Variants in MDFIC observed in about 807,000 individuals in gnomAD.
MDFIC encodes the protein MyoD family inhibitor domain containing.
MDFIC carries 17 observed loss-of-function variants against 23.2 expected under a neutral mutation model. The observed-to-expected ratio is 0.73, with a 90% CI of 0.50 to 1.10. The LOEUF (loss-of-function observed/expected upper bound fraction) is 1.10, where lower values mean the gene tolerates loss of function less well. MDFIC is among the 50% of genes least tolerant of loss of function. The pLI is 0.00. For synonymous variants in MDFIC, 120 were observed against 115.2 expected (o/e 1.04, Z -0.27); for missense variants, 356 against 316.6 (o/e 1.12, Z -0.95).
intron 2 of MDFIC, chr7:114,923,545 T>C: frequency 6.5e-7 from 1 of 1,536,462 alleles, no homozygotes. Flanking sequence ...TGTTGGCTCC[T>C]CTACCACCCG....
intron 4 of MDFIC, among the ~76,000 whole-genome samples, chr7:115,002,411 C>T (rs753657700): frequency 6.6e-6 from 1 of 152,202 alleles, no homozygotes; most frequent in East Asian, 1.9e-4. Flanking sequence ...AATCCCTCCA[C>T]AGAACTTCAA....
chr7:114,990,776 C>A (rs1172633895), intron 4 of MDFIC, among the ~76,000 whole-genome samples: 4 of 152,158 alleles, frequency 2.6e-5, no homozygotes, highest in Non-Finnish European at 5.9e-5. Flanking sequence ...GGTTCCAAGT[C>A]TTTGCTATTG....
Position 114,922,552 on chromosome 7 carries a change from T to C in MDFIC, c.-192T>C. On this transcript the variant is annotated 5_prime_UTR_variant, in exon 1 of 5. Transcript: ENST00000393486. ...GCCACCGGGGCGAAAATGCGGCCGC[T>C]GCCGGAGGCTCGCTAACTTTCCGGG... 5.5e-6 allele frequency: 7 copies of C among 1,267,024 alleles called. No individual in the cohort carries two copies. Among genetic ancestry groups the C allele is most frequent in the Non-Finnish European group, 6.0e-6 (6 of 1,000,070 alleles). The allele number at this position is 1,267,024 out of a possible 1,614,324, so 78.5% of individuals were successfully genotyped here.
intron 3 of MDFIC, among the ~76,000 whole-genome samples, chr7:114,961,099 C>G (rs1325679373): frequency 6.6e-6 from 1 of 152,106 alleles, no homozygotes; most frequent in Non-Finnish European, 1.5e-5. Context: ...CCTGCCTGCT[C>G]TGGGCACTAG....
At chr7:114,976,569 T>A (rs1044718506) in intron 3 of MDFIC, among the ~76,000 whole-genome samples, 3 of 152,142 alleles carry the variant, frequency 2.0e-5, no homozygotes, top group Admixed American at 6.6e-5. Context: ...ATATAACTGC[T>A]AAACAGATGT....
At position 114,925,682 on chromosome 7, in the gene MDFIC, A is replaced by G. The variant is rs188180142; in HGVS notation, c.94+2555A>G. ...TGGAGAGCTCATGGGCCAGGAAACAACATTCCTCAGTTTTAGCTAATTGTT... is the reference window on the plus strand; with the variant it reads ...TGGAGAGCTCATGGGCCAGGAAACAGCATTCCTCAGTTTTAGCTAATTGTT... On this transcript the variant is annotated intron_variant, in intron 2 of 4. Transcript: ENST00000393486. Among the ~76,000 whole-genome samples the G allele has an allele frequency of 2.1e-3, 315 of 152,338 alleles. 1 individual carries two copies. The highest frequency in any genetic ancestry group is 3.6e-3 in the Non-Finnish European group (245 of 68,034).
At chr7:115,014,571 A>G (rs578032983) in intron 4 of MDFIC, 1 of 1,206,706 alleles carries the variant, frequency 8.3e-7, no homozygotes, top group African/African-American at 1.6e-5. Context: ...TCGCTATTGT[A>G]GGTTGTGGAA....
intron 2 of MDFIC, among the ~76,000 whole-genome samples, chr7:114,939,126 G>T (rs1792490979): frequency 6.6e-6 from 1 of 152,190 alleles, no homozygotes; most frequent in South Asian, 2.1e-4. Flanking sequence ...CATATGGGTA[G>T]CTCATTGAAA....
chr7:114,941,910 C>T (rs1307601358), intron 2 of MDFIC, among the ~76,000 whole-genome samples: 2 of 152,204 alleles, frequency 1.3e-5, no homozygotes, highest in African/African-American at 4.8e-5. Flanking sequence ...TCTTCTCTTT[C>T]ACCCCTTTCC....
intron 4 of MDFIC, among the ~76,000 whole-genome samples, chr7:115,009,577 C>T (rs1322548855): frequency 6.6e-6 from 1 of 152,190 alleles, no homozygotes; most frequent in Non-Finnish European, 1.5e-5. Context: ...TCTTCACTCT[C>T]ATTTTAAGCA....
At chr7:114,923,323 G>C (rs1792128929) in intron 2 of MDFIC, 196 bp downstream of exon 2, 1 of 1,156,428 alleles carries the variant, frequency 8.6e-7, no homozygotes. Context: ...GGGTAAGAGG[G>C]CGGGAACCGT....
chr7:114,997,576 G>GA (rs60307474), intron 4 of MDFIC, among the ~76,000 whole-genome samples: 29 of 141,760 alleles, frequency 2.0e-4, no homozygotes, highest in Admixed American at 8.5e-4. Flanking sequence ...ATCTCTACAG[G>GA]AAAAAAAAAA....
chr7:115,005,267 A>G (rs977716533), intron 4 of MDFIC, among the ~76,000 whole-genome samples: 35 of 152,170 alleles, frequency 2.3e-4, no homozygotes, highest in African/African-American at 7.0e-4. Flanking sequence ...CAGCATCACA[A>G]TCCTTATACA....
intron 2 of MDFIC, among the ~76,000 whole-genome samples, chr7:114,934,589 A>G (rs958876205): frequency 6.6e-6 from 1 of 152,228 alleles, no homozygotes; most frequent in Non-Finnish European, 1.5e-5. Context: ...TAAATATACC[A>G]TAAGCTTCTA....
In MDFIC at chr7:114,950,874, A is replaced by G. The variant is rs191667157; in HGVS notation, c.217+8477A>G. On this transcript the variant is annotated intron_variant, in intron 3 of 4. Transcript: ENST00000393486. ...CTGGAATTTCAGATGCCTCATTGAA[A>G]CTTAAAGGGTCAGGAGGGGCCAAGT... is the stretch of plus-strand genomic sequence containing the variant. 2.0e-3 allele frequency among the ~76,000 whole-genome samples: 308 copies of G among 152,288 alleles called. 1 individual carries two copies. The highest frequency in any genetic ancestry group is 6.3e-3 in the African/African-American group (262 of 41,570).
intron 2 of MDFIC, chr7:114,933,846 C>CA (rs974527148): frequency 9.9e-5 from 15 of 151,966 alleles, no homozygotes; most frequent in Non-Finnish European, 1.6e-4. Context: ...TTTGATTTTG[C>CA]AAAAAGCAAA....
At chr7:114,960,677 T>C (rs1232873938) in intron 3 of MDFIC, among the ~76,000 whole-genome samples, 1 of 152,212 alleles carries the variant, frequency 6.6e-6, no homozygotes, top group Non-Finnish European at 1.5e-5. Flanking sequence ...AGTGTTAACA[T>C]TTTTCCAAAT....
chr7:114,963,361 A>C (rs757755077), intron 3 of MDFIC, among the ~76,000 whole-genome samples: 14 of 152,170 alleles, frequency 9.2e-5, no homozygotes, highest in Non-Finnish European at 1.5e-4. Context: ...CCATCAGGTC[A>C]GCAAATGTGC....
chr7:114,957,583 T>C (rs1190448153), intron 3 of MDFIC, among the ~76,000 whole-genome samples: 7 of 152,162 alleles, frequency 4.6e-5, no homozygotes, highest in Admixed American at 3.3e-4. Context: ...TTTGGGACAA[T>C]ACATAATTAG....
Sources: gnomAD v4.1 joint callset for allele counts (sites outside exome capture counted in the v4.1 genomes callset) on GRCh38, gnomAD v4.1.1 for gene constraint, MANE v1.5 for transcripts, NCBI Gene and HGNC (gene_info 2026-07-23, HGNC 2026-07-21) for gene names.